MON2: variants seen among roughly 807,000 people sequenced by gnomAD.
MON2 encodes the protein MON2 regulator of endosome-to-Golgi trafficking, also known as protein MON2 homolog.
Under a neutral mutation model 208.6 loss-of-function variants are expected in MON2, and 84 were observed. That is an observed-to-expected ratio of 0.40 (90% confidence interval 0.34 to 0.48). The LOEUF is 0.48. Ranked by LOEUF, MON2 falls within the 20% of genes least tolerant of loss-of-function variation. The probability of loss-of-function intolerance (pLI) is 0.59; values close to 1 mark genes in which losing one functional copy is unlikely to be tolerated. For synonymous variants in MON2, 660 were observed against 694.0 expected (o/e 0.95, Z 0.77); for missense variants, 1,611 against 2,015.4 (o/e 0.80, Z 3.84).
intron 21 of MON2, 103 bp from the exon 22 acceptor site, chr12:62,546,794 A>G (rs2073507633): frequency 1.2e-6 from 1 of 827,746 alleles, no homozygotes; most frequent in East Asian, 2.8e-5. Context: ...TCTATTTCCC[A>G]TAGTAGTCTG....
intron 1 of MON2, 36 bp from the exon 2 acceptor site, chr12:62,484,134 G>A (rs1425904896): frequency 4.9e-6 from 7 of 1,437,070 alleles, no homozygotes; most frequent in Non-Finnish European, 5.8e-6. Context: ...CATTTTGGCA[G>A]TAAATTTTGT....
chr12:62,492,411 C>CCGGACTG (rs1412706079), intron 2 of MON2, among the ~76,000 whole-genome samples: 18 of 133,496 alleles, frequency 1.3e-4, no homozygotes, highest in East Asian at 2.2e-4. Context: ...GTCGCCCAGG[C>CCGGACTG]CGGACTGCGG....
intron 30 of MON2, among the ~76,000 whole-genome samples, chr12:62,576,668 A>G (rs2074798257): frequency 6.6e-6 from 1 of 151,926 alleles, no homozygotes; most frequent in Admixed American, 6.5e-5. Flanking sequence ...AGTATTGACC[A>G]TTGCCCCTTA....
chr12:62,535,756 G>T, intron 14 of MON2, 47 bp downstream of exon 14: 1 of 1,411,084 alleles, frequency 7.1e-7, no homozygotes, highest in South Asian at 1.4e-5. Context: ...GGGATGATAT[G>T]GTGTAGACAG....
At chr12:62,586,359 A>G (rs2075219849) in intron 33 of MON2, among the ~76,000 whole-genome samples, 3 of 152,226 alleles carry the variant, frequency 2.0e-5, no homozygotes, top group African/African-American at 2.4e-5. Flanking sequence ...CAAAAGGCAC[A>G]GACATTTTAT....
intron 30 of MON2, among the ~76,000 whole-genome samples, chr12:62,573,584 AAAT>A (rs1315965440): frequency 2.0e-5 from 3 of 151,718 alleles, no homozygotes; most frequent in Non-Finnish European, 2.9e-5. Context: ...TTTCTATGTA[AAAT>A]AATAATATTT....
intron 33 of MON2, among the ~76,000 whole-genome samples, chr12:62,586,436 T>C (rs183941422): frequency 6.6e-6 from 1 of 152,360 alleles, no homozygotes; most frequent in African/African-American, 2.4e-5. Context: ...CTCCCAGGAA[T>C]GTGTGAATGT....
rs116933766 is a variant in MON2 at position 62,468,050 on chromosome 12, A to G, written c.111+732A>G. On this transcript the variant is annotated intron_variant, in intron 1 of 34. Coordinates refer to ENST00000393630, the MANE Select transcript of MON2 (RefSeq NM_015026.3). The stretch of plus-strand genomic sequence containing the variant: ...AGAAGGGTATTATTAAAGAGATCCC[A>G]GTAAATAATACATGGAAATTTAATT... Among the ~76,000 whole-genome samples, 6 of 152,146 alleles carry G rather than the reference A, an allele frequency of 3.9e-5. No homozygotes were observed. The East Asian group carries it at 1.2e-3, about 29-fold the overall frequency.
intron 1 of MON2, among the ~76,000 whole-genome samples, chr12:62,469,356 A>T (rs2135935880): frequency 6.6e-6 from 1 of 152,298 alleles, no homozygotes; most frequent in African/African-American, 2.4e-5. Flanking sequence ...AAAACAAACT[A>T]ACAAAAAAGC....
At position 62,556,093 on chromosome 12, in the gene MON2, A is replaced by T; in HGVS notation, c.3310A>T (p.Arg1104Trp). ...TGGCAATATTCTCATTCATCATTCAAGGGACACCGCCGAGAAGCAATGGGC... is the reference window on the plus strand; with the variant it reads ...TGGCAATATTCTCATTCATCATTCATGGGACACCGCCGAGAAGCAATGGGC... ...GGGNILIHHS[R>W]DTAEKQWAET... The change falls in exon 25 of 35, where the codon AGG (arginine) becomes TGG (tryptophan). Residue 1104 changes from arginine to tryptophan, a missense_variant. Transcript: ENST00000393630. 6.2e-7 allele frequency: 1 copy of T among 1,614,108 alleles called. No homozygotes were observed. The highest frequency in any genetic ancestry group is 8.5e-7 in the Non-Finnish European group (1 of 1,180,012).
Position 62,535,582 on chromosome 12 carries a change from T to C in MON2, c.1773T>C (p.Leu591=), listed in dbSNP as rs1474010978. The change falls in exon 14 of 35, where the codon CTT becomes CTC. Residue 591 remains leucine (L), a synonymous_variant. Coordinates refer to ENST00000393630, the MANE Select transcript of MON2 (RefSeq NM_015026.3). ...ILKAELTMAA[L]CGRLGLVTSR... The stretch of plus-strand genomic sequence containing the variant: ...AAGCTGAACTGACTATGGCTGCTCT[T>C]TGTGGAAGACTGGGCCTTGTAACTT... The C allele has an allele frequency of 6.2e-7, 1 of 1,613,850 alleles. No individual in the cohort carries two copies. Among genetic ancestry groups the C allele is most frequent in the East Asian group, 2.2e-5 (1 of 44,848 alleles).
At chr12:62,499,416 C>T (rs1358824495) in intron 5 of MON2, among the ~76,000 whole-genome samples, 1 of 151,994 alleles carries the variant, frequency 6.6e-6, no homozygotes, top group Non-Finnish European at 1.5e-5. Flanking sequence ...AACTAGTCTC[C>T]TATTGGACAC....
chr12:62,594,166 GT>G lies in MON2; in HGVS notation c.*1418del, dbSNP rs1361281755. On this transcript the variant is annotated 3_prime_UTR_variant, in exon 35 of 35. Coordinates refer to ENST00000393630, the MANE Select transcript of MON2 (RefSeq NM_015026.3). ...TGATTATTCATAAGAAATCATGATG[GT>G]CTCAGTATTATTTTAGTGTATTGGA... 1 of 152,014 alleles carries G rather than the reference GT, an allele frequency of 6.6e-6. No individual in the cohort carries two copies. Among genetic ancestry groups the G allele is most frequent in the African/African-American group, 2.4e-5 (1 of 41,422 alleles). 9.4% of individuals were successfully genotyped at this position (152,014 alleles called of 1,614,324 possible). A position where few individuals can be genotyped will look rare whatever the true frequency, so the allele number is the denominator to read the frequency against.
rs1174588905 is a variant in MON2 at position 62,593,024 on chromosome 12, G to C, written c.*275G>C. Reference sequence around the variant, plus strand: ...ATACATGCTACCATATCTCCAGTTGGTGATTTAAAGTGAGCTTATGTACAG... The same window carrying C: ...ATACATGCTACCATATCTCCAGTTGCTGATTTAAAGTGAGCTTATGTACAG... On this transcript the variant is annotated 3_prime_UTR_variant, in exon 35 of 35. Transcript: ENST00000393630. 8.1e-6 allele frequency: 2 copies of C among 248,058 alleles called. No homozygotes were observed. The highest frequency in any genetic ancestry group is 4.4e-5 in the African/African-American group (2 of 45,560). 15.4% of individuals were successfully genotyped at this position (248,058 alleles called of 1,614,324 possible).
At chr12:62,514,283 C>T (rs942230071) in intron 8 of MON2, among the ~76,000 whole-genome samples, 7 of 152,168 alleles carry the variant, frequency 4.6e-5, no homozygotes, top group African/African-American at 1.7e-4. Context: ...TACCCAGTTC[C>T]GAAGTCACTT....
At chr12:62,559,111 A>G (rs1171031631) in intron 25 of MON2, among the ~76,000 whole-genome samples, 1 of 152,168 alleles carries the variant, frequency 6.6e-6, no homozygotes, top group Non-Finnish European at 1.5e-5. Context: ...GACCTACTTC[A>G]AGCTTTTCTA....
chr12:62,585,780 G>A (rs2075204078), intron 33 of MON2: 1 of 226,696 alleles, frequency 4.4e-6, no homozygotes, highest in Non-Finnish European at 8.6e-6. Flanking sequence ...AAAATAAACT[G>A]AATTCCAAAA....
At chr12:62,468,896 C>T (rs1290231333) in intron 1 of MON2, among the ~76,000 whole-genome samples, 1 of 152,068 alleles carries the variant, frequency 6.6e-6, no homozygotes, top group East Asian at 1.9e-4. Flanking sequence ...TGTGGTTCCT[C>T]TATAGGCTGT....
chr12:62,580,539 AGGATTGT>A, intron 32 of MON2, 119 bp downstream of exon 32: 1 of 813,634 alleles, frequency 1.2e-6, no homozygotes, highest in East Asian at 2.7e-5. Flanking sequence ...GGTGATTTTT[AGGATTGT>A]AATATAGAAC....
Sources: allele counts gnomAD v4.1 joint callset (sites outside exome capture counted in the v4.1 genomes callset), GRCh38; gene constraint gnomAD v4.1.1; transcripts MANE v1.5; gene names NCBI Gene and HGNC (gene_info 2026-07-23, HGNC 2026-07-21).